The following CDIN1 variants were observed in gnomAD, a reference collection of about 807,000 sequenced individuals.
CDIN1 encodes the protein CDAN1 interacting nuclease 1.
A neutral mutation model predicts 45.3 loss-of-function variants in CDIN1; 33 were observed. The ratio of observed to expected loss-of-function variants is 0.73; its 90% CI spans 0.55 to 0.97. The LOEUF (loss-of-function observed/expected upper bound fraction) is 0.97, where lower values mean the gene tolerates loss of function less well. CDIN1 is among the 50% of genes least tolerant of loss of function. The pLI is 0.00. For synonymous variants in CDIN1, 118 were observed against 124.4 expected, an observed-to-expected ratio of 0.95 and a Z score of 0.34; for missense variants, 303 against 339.4, an observed-to-expected ratio of 0.89 and a Z score of 0.84.
intron 1 of CDIN1, among the ~76,000 whole-genome samples, chr15:36,591,480 G>A (rs1157490191): frequency 6.6e-6 from 1 of 152,156 alleles, no homozygotes; most frequent in Non-Finnish European, 1.5e-5. Context: ...CAGCCTGTAT[G>A]TAACAAATAG....
At chr15:36,703,223 TATATATATATCAG>T (rs1318934760) in intron 8 of CDIN1, among the ~76,000 whole-genome samples, 1 of 125,378 alleles carries the variant, frequency 8.0e-6, no homozygotes, top group African/African-American at 3.0e-5. Flanking sequence ...GTCTCAAATA[TATATATATATCAG>T]ATATATATAT....
chr15:36,608,967 A>G (rs531815116), intron 1 of CDIN1, among the ~76,000 whole-genome samples: 5 of 142,254 alleles, frequency 3.5e-5, no homozygotes, highest in Non-Finnish European at 6.1e-5. Context: ...GTGTGTATGT[A>G]TGTGTGTATA....
intron 9 of CDIN1, 109 bp from the exon 10 acceptor site, chr15:36,709,747 G>A: frequency 1.3e-6 from 1 of 751,782 alleles, no homozygotes; most frequent in Non-Finnish European, 2.3e-6. Flanking sequence ...ATGATGGTAA[G>A]GGCTAAGCCT....
intron 1 of CDIN1, among the ~76,000 whole-genome samples, chr15:36,611,765 A>G (rs1163850364): frequency 6.6e-6 from 1 of 152,236 alleles, no homozygotes; most frequent in Admixed American, 6.5e-5. Context: ...TTTGCCTTTT[A>G]TCAAATGAAT....
At chr15:36,673,885 A>C (rs2041544573) in intron 5 of CDIN1, among the ~76,000 whole-genome samples, 1 of 152,100 alleles carries the variant, frequency 6.6e-6, no homozygotes, top group Non-Finnish European at 1.5e-5. Flanking sequence ...AGAAACACAC[A>C]CTGTAAAGGG....
chr15:36,674,469 G>A (rs910158397), intron 5 of CDIN1, among the ~76,000 whole-genome samples: 2 of 152,184 alleles, frequency 1.3e-5, no homozygotes, highest in African/African-American at 4.8e-5. Context: ...CAAAGGCAAT[G>A]TTGGTCAAGC....
intron 5 of CDIN1, among the ~76,000 whole-genome samples, chr15:36,680,520 A>T (rs2041813616): frequency 6.6e-6 from 1 of 152,202 alleles, no homozygotes. Flanking sequence ...AGGTATAAAC[A>T]AGAGAAGTAA....
At chr15:36,598,649 C>T (rs2037951090) in intron 1 of CDIN1, among the ~76,000 whole-genome samples, 1 of 152,028 alleles carries the variant, frequency 6.6e-6, no homozygotes, top group Non-Finnish European at 1.5e-5. Flanking sequence ...TCAAGTGCCA[C>T]GTCTAATCTA....
At chr15:36,727,448 G>C (rs1371708440) in intron 10 of CDIN1, among the ~76,000 whole-genome samples, 1 of 152,028 alleles carries the variant, frequency 6.6e-6, no homozygotes, top group Non-Finnish European at 1.5e-5. Context: ...CTTTTCAGTG[G>C]AGTGATGGGT....
chr15:36,654,074 A>G (rs1230491682), intron 3 of CDIN1, 24 bp from the exon 4 acceptor site: 3 of 1,558,194 alleles, frequency 1.9e-6, no homozygotes, highest in African/African-American at 2.7e-5. Context: ...TCACTGCATT[A>G]CCACTTGGCT....
Position 36,789,331 on chromosome 15 carries a change from T to A in CDIN1, c.717-18993T>A, listed in dbSNP as rs188648760. 1.9e-3 allele frequency among the ~76,000 whole-genome samples: 285 copies of A among 152,354 alleles called. 2 individuals are homozygous for A. The highest frequency in any genetic ancestry group is 4.5e-3 in the Admixed American group (69 of 15,308). ...GACCATTTTCTTGAGCTAATTATGT[T>A]CAATCCTTTAGAGTAAACAAATATA... On this transcript the variant is annotated intron_variant, in intron 10 of 10. Transcript: ENST00000566621.
chr15:36,800,013 G>T (rs943344269), intron 10 of CDIN1, among the ~76,000 whole-genome samples: 4 of 152,080 alleles, frequency 2.6e-5, no homozygotes, highest in Non-Finnish European at 5.9e-5. Flanking sequence ...ATTTAACATG[G>T]ATGTGAAAAT....
intron 5 of CDIN1, among the ~76,000 whole-genome samples, chr15:36,663,963 C>T (rs2041130452): frequency 6.6e-6 from 1 of 152,056 alleles, no homozygotes; most frequent in South Asian, 2.1e-4. Flanking sequence ...TGAGAAAGAC[C>T]AACTAATAAG....
chr15:36,705,484 C>T (rs564257780), intron 8 of CDIN1: 14 of 152,214 alleles, frequency 9.2e-5, no homozygotes, highest in African/African-American at 3.4e-4. Flanking sequence ...GACATGGGCA[C>T]ATATCCTGTA....
intron 10 of CDIN1, among the ~76,000 whole-genome samples, chr15:36,760,265 C>T (rs1354850423): frequency 6.6e-6 from 1 of 152,146 alleles, no homozygotes; most frequent in Non-Finnish European, 1.5e-5. Flanking sequence ...ACAATAGCCT[C>T]AGTCAACATT....
intron 10 of CDIN1, among the ~76,000 whole-genome samples, chr15:36,795,594 T>TAACA (rs2054773710): frequency 6.6e-6 from 1 of 152,200 alleles, no homozygotes; most frequent in Non-Finnish European, 1.5e-5. Context: ...TATATTTAAA[T>TAACA]AACATTTAGG....
At chr15:36,751,843 C>T (rs1196002232) in intron 10 of CDIN1, among the ~76,000 whole-genome samples, 3 of 152,126 alleles carry the variant, frequency 2.0e-5, no homozygotes, top group Non-Finnish European at 2.9e-5. Context: ...TCATGTCCTT[C>T]GCAGGGTCAT....
intron 5 of CDIN1, among the ~76,000 whole-genome samples, chr15:36,689,817 A>G (rs963371941): frequency 6.6e-6 from 1 of 152,204 alleles, no homozygotes; most frequent in Non-Finnish European, 1.5e-5. Flanking sequence ...TATGGTTTGT[A>G]TGAAGTAAAT....
intron 1 of CDIN1, among the ~76,000 whole-genome samples, chr15:36,630,761 A>T (rs1395858621): frequency 6.6e-6 from 1 of 152,122 alleles, no homozygotes; most frequent in Non-Finnish European, 1.5e-5. Flanking sequence ...GGAAGCTTCT[A>T]TTCATGGTGG....
Sources: gnomAD v4.1 joint callset for allele counts (sites outside exome capture counted in the v4.1 genomes callset) on GRCh38, gnomAD v4.1.1 for gene constraint, MANE v1.5 for transcripts, NCBI Gene and HGNC (gene_info 2026-07-23, HGNC 2026-07-21) for gene names.